The following DMD variants were observed in gnomAD, a reference collection of about 807,000 sequenced individuals.
DMD encodes mutant dystrophin.
Under a neutral mutation model 330.1 loss-of-function variants are expected in DMD, and 63 were observed. That is an observed-to-expected ratio of 0.19 (90% CI 0.16 to 0.24). DMD has a LOEUF of 0.24. Among genes scored for constraint, DMD ranks in the 10% least tolerant of loss-of-function variants. DMD has a pLI of 1.00. For missense variants in DMD, 3,344 were observed against 2,684.1 expected, an observed-to-expected ratio of 1.25 and a Z score of -5.43; for synonymous variants, 1,223 against 959.8, an observed-to-expected ratio of 1.27 and a Z score of -5.07.
At chrX:32,870,556 T>C (rs1336859969) in intron 2 of DMD, among the ~76,000 whole-genome samples, 1 of 111,662 alleles carries the variant, frequency 9.0e-6, no homozygotes, top group Non-Finnish European at 1.9e-5. Context: ...ATCATGGTAC[T>C]GGTAGAAAAA....
At chrX:32,284,640 C>G (rs2097432782) in intron 43 of DMD, among the ~76,000 whole-genome samples, 2 of 111,824 alleles carry the variant, frequency 1.8e-5, no homozygotes, top group South Asian at 7.5e-4. Flanking sequence ...TATTCTTATC[C>G]TATTTTATAC....
chrX:32,874,660 T>C (rs1180860230), intron 2 of DMD, among the ~76,000 whole-genome samples: 2 of 111,895 alleles, frequency 1.8e-5, no homozygotes, highest in South Asian at 3.7e-4. Context: ...CTCGGATTTG[T>C]CTTAGCAACT....
chrX:31,194,684 G>A (rs1302443272), intron 67 of DMD, among the ~76,000 whole-genome samples: 2 of 111,983 alleles, frequency 1.8e-5, no homozygotes, highest in East Asian at 2.8e-4. Context: ...AAAATAAAAC[G>A]TTGGTTGGAA....
At chrX:33,300,073 C>A (rs2053639821) in intron 1 of DMD, among the ~76,000 whole-genome samples, 1 of 112,329 alleles carries the variant, frequency 8.9e-6, no homozygotes, top group African/African-American at 3.2e-5. Context: ...GAAAAGACAA[C>A]TGTTTTACAT....
At chrX:32,407,824 G>C (rs1235599565) in intron 30 of DMD, among the ~76,000 whole-genome samples, 1 of 108,455 alleles carries the variant, frequency 9.2e-6, no homozygotes, top group Admixed American at 1.0e-4. Flanking sequence ...TCCTTTGTAG[G>C]GACATGGATG....
rs200818503 is a variant in DMD, at chrX:33,100,807, G to A, written c.32-80607C>T. On this transcript the variant is annotated intron_variant, in intron 1 of 78. Coordinates refer to ENST00000357033, the MANE Select transcript of DMD (RefSeq NM_004006.3). ...TACAATATTTAACTAAATTATAATT[G>A]TAAAACTCCTGAATTTGGATAGAAT... Among the ~76,000 whole-genome samples the A allele has an allele frequency of 5.3e-5, 6 of 112,253 alleles. No homozygotes were observed. The East Asian group carries it at 1.7e-3, about 31-fold the overall frequency.
intron 2 of DMD, among the ~76,000 whole-genome samples, chrX:32,925,875 G>A (rs2088963813): frequency 9.0e-6 from 1 of 111,673 alleles, no homozygotes; most frequent in Admixed American, 9.5e-5. Context: ...TGGATATTGG[G>A]GGACATAAAT....
intron 60 of DMD, among the ~76,000 whole-genome samples, chrX:31,366,340 A>G (rs759515080): frequency 4.3e-4 from 46 of 107,528 alleles, no homozygotes; most frequent in Non-Finnish European, 8.1e-4. Context: ...AGGAAGAGAG[A>G]TAAGTGGTGC....
chrX:33,124,500 A>AAAAAAAAAAAAAAAAAAAAAAAC (rs2095448261), intron 1 of DMD, among the ~76,000 whole-genome samples: 6 of 104,394 alleles, frequency 5.7e-5, no homozygotes, highest in African/African-American at 2.2e-4. Flanking sequence ...AAAAAAAAAA[A>AAAAAAAAAAAAAAAAAAAAAAAC]AAAAAAAAAA....
In DMD at chrX:32,252,669, TATATATAA is replaced by T. The variant is rs1289021470; in HGVS notation, c.6290+34852_6290+34859del. 5.3e-4 allele frequency among the ~76,000 whole-genome samples: 27 copies of T among 51,167 alleles called. 1 individual carries two copies. Among genetic ancestry groups the T allele is most frequent in the Middle Eastern group, 0.026 (2 of 78 alleles). 44.4% of individuals were successfully genotyped at this position (51,167 alleles called of 115,157 possible). On this transcript the variant is annotated intron_variant, in intron 43 of 78. Coordinates refer to ENST00000357033, the MANE Select transcript of DMD (RefSeq NM_004006.3). ...ATATAAATACAAATATATAAATATATATATATAAATATATAAATATATATATAAATATA... is the reference window on the plus strand; with the variant it reads ...ATATAAATACAAATATATAAATATATATATATAAATATATATATAAATATA...
At chrX:32,653,429 G>T (rs1038476615) in intron 9 of DMD, among the ~76,000 whole-genome samples, 4 of 111,687 alleles carry the variant, frequency 3.6e-5, no homozygotes, top group African/African-American at 6.5e-5. Context: ...TTTCCCCATT[G>T]CTTGTTTTTC....
intron 47 of DMD, among the ~76,000 whole-genome samples, chrX:31,915,400 A>G (rs1474197086): frequency 8.9e-6 from 1 of 112,159 alleles, no homozygotes; most frequent in African/African-American, 3.2e-5. Flanking sequence ...AAAGATACAC[A>G]TATCTATATT....
intron 29 of DMD, among the ~76,000 whole-genome samples, chrX:32,431,064 T>G (rs1300605852): frequency 8.9e-6 from 1 of 111,991 alleles, no homozygotes; most frequent in Non-Finnish European, 1.9e-5. Flanking sequence ...TCAATTTCCT[T>G]TGGATATATC....
chrX:31,147,192 A>C, intron 75 of DMD, 83 bp downstream of exon 75: 1 of 1,162,211 alleles, frequency 8.6e-7, no homozygotes, highest in East Asian at 3.0e-5. Flanking sequence ...TGCTTGTTGC[A>C]CCTATAAAAA....
intron 9 of DMD, among the ~76,000 whole-genome samples, chrX:32,662,412 T>A (rs1431298463): frequency 8.9e-6 from 1 of 111,874 alleles, no homozygotes; most frequent in Non-Finnish European, 1.9e-5. Flanking sequence ...GTCACAAGTA[T>A]GCTTAGAATT....
intron 18 of DMD, among the ~76,000 whole-genome samples, chrX:32,514,722 G>C (rs2045689268): frequency 8.9e-6 from 1 of 112,707 alleles, no homozygotes; most frequent in African/African-American, 3.2e-5. Context: ...GCCTGGGACA[G>C]AGCGAGACTC....
rs2042288220 is a variant in DMD, at chrX:32,485,125, G to C, written c.2623-26C>G. 3.4e-6 allele frequency: 4 copies of C among 1,187,566 alleles called. No individual in the cohort carries two copies. In the Admixed American group the frequency reaches 6.6e-5, roughly 20 times the overall value. The stretch of plus-strand genomic sequence containing the variant: ...CTGTGCCATAGAGTATGGAAAGTAA[G>C]TAACACGTTTACTTTGCATACATTA... On this transcript the variant is annotated intron_variant, in intron 20 of 78. Transcript: ENST00000357033.
intron 2 of DMD, among the ~76,000 whole-genome samples, chrX:32,870,508 C>T (rs1224089992): frequency 1.8e-5 from 2 of 111,726 alleles, no homozygotes; most frequent in East Asian, 2.8e-4. Context: ...AAGCTAGAAG[C>T]CTAATGCTAC....
At chrX:32,730,537 G>C (rs2067454484) in intron 7 of DMD, among the ~76,000 whole-genome samples, 1 of 111,810 alleles carries the variant, frequency 8.9e-6, no homozygotes, top group Non-Finnish European at 1.9e-5. Context: ...CTAGGCAATA[G>C]GAATGACGTT....
Sources: allele counts gnomAD v4.1 joint callset (sites outside exome capture counted in the v4.1 genomes callset), GRCh38; gene constraint gnomAD v4.1.1; transcripts MANE v1.5; gene names NCBI Gene and HGNC (gene_info 2026-07-23, HGNC 2026-07-21).